Variants in C19orf18 observed in about 807,000 individuals in gnomAD.
C19orf18 encodes chromosome 19 open reading frame 18.
Under a neutral mutation model 23.3 loss-of-function variants are expected in C19orf18, and 21 were observed. That is an observed-to-expected ratio of 0.90 (90% CI 0.64 to 1.30). The LOEUF (loss-of-function observed/expected upper bound fraction) is 1.30. Among genes scored for constraint, C19orf18 ranks in the 50% most tolerant of loss-of-function variants. The probability of loss-of-function intolerance (pLI) is 0.00; values close to 1 mark genes in which losing one functional copy is unlikely to be tolerated. For missense variants in C19orf18, 249 were observed against 259.6 expected, an observed-to-expected ratio of 0.96 and a Z score of 0.28; for synonymous variants, 96 against 95.2, an observed-to-expected ratio of 1.01 and a Z score of -0.05.
Position 57,974,203 on chromosome 19 carries a change from C to A in C19orf18, c.122G>T (p.Gly41Val). Residue 41 changes from glycine to valine, a missense_variant and splice_region_variant, in exon 2 of 6, where the codon GGC (glycine) becomes GTC (valine). Transcript: ENST00000314391. ...TCTGGGTGGTTGTGACCGTTTACTG[C>A]CTTGAAAAGAAAACTTTTTGCGGTG... ...HPTGNITGLP[G>V]SKRSQPPRNI... 6.2e-7 allele frequency: 1 copy of A among 1,613,840 alleles called. No individual in the cohort carries two copies. Among genetic ancestry groups the A allele is most frequent in the Non-Finnish European group, 8.5e-7 (1 of 1,179,942 alleles).
At chr19:57,961,652 G>C in intron 4 of C19orf18, 101 bp from the exon 5 acceptor site, 1 of 1,323,234 alleles carries the variant, frequency 7.6e-7, no homozygotes, top group Non-Finnish European at 1.1e-6. Context: ...CGCTTGTGGA[G>C]TGGGTGCAGA....
chr19:57,970,707 C>CAGGCATG (rs2072938853), intron 3 of C19orf18, among the ~76,000 whole-genome samples: 2 of 82,350 alleles, frequency 2.4e-5, no homozygotes, highest in African/African-American at 1.3e-4. Flanking sequence ...GAGTAGCTGG[C>CAGGCATG]CTCCACCATG....
At chr19:57,962,730 G>A (rs1030357510) in intron 4 of C19orf18, among the ~76,000 whole-genome samples, 2 of 151,964 alleles carry the variant, frequency 1.3e-5, no homozygotes, top group African/African-American at 4.8e-5. Flanking sequence ...GGTGGCACAT[G>A]CTTGTAATCC....
At chr19:57,969,576 A>AAAAAAAAAAAAAAAAAAAAC (rs2072930939) in intron 3 of C19orf18, among the ~76,000 whole-genome samples, 2 of 124,976 alleles carry the variant, frequency 1.6e-5, no homozygotes, top group Admixed American at 8.2e-5. Context: ...GAAAAAAAAA[A>AAAAAAAAAAAAAAAAAAAAC]AAAAAAAAAA....
At chr19:57,972,915 C>A (rs554528913) in intron 2 of C19orf18, among the ~76,000 whole-genome samples, 1 of 151,982 alleles carries the variant, frequency 6.6e-6, no homozygotes, top group South Asian at 2.1e-4. Context: ...GTAATCCCAG[C>A]GAGGAAGGCA....
intron 4 of C19orf18, among the ~76,000 whole-genome samples, chr19:57,961,809 T>A (rs1175091534): frequency 6.6e-6 from 1 of 152,208 alleles, no homozygotes; most frequent in African/African-American, 2.4e-5. Flanking sequence ...CACATTGGGT[T>A]CCAAACTTAA....
At chr19:57,963,309 G>T (rs555744367) in intron 4 of C19orf18, among the ~76,000 whole-genome samples, 2 of 151,962 alleles carry the variant, frequency 1.3e-5, no homozygotes, top group East Asian at 3.9e-4. Flanking sequence ...GATTACAGGC[G>T]TGAGCCACCG....
At chr19:57,973,071 C>T (rs2072956482) in intron 2 of C19orf18, among the ~76,000 whole-genome samples, 1 of 140,016 alleles carries the variant, frequency 7.1e-6, no homozygotes, top group Non-Finnish European at 1.5e-5. Flanking sequence ...TTGCTTGAAC[C>T]CGGCGGTGGA....
intron 3 of C19orf18, 102 bp downstream of exon 3, chr19:57,972,361 T>C (rs1568569007): frequency 2.9e-6 from 4 of 1,384,634 alleles, no homozygotes; most frequent in Admixed American, 2.0e-5. Flanking sequence ...GCACCACGTG[T>C]GCAGGCTCCT....
chr19:57,970,391 A>G lies in C19orf18; in HGVS notation c.268+2072T>C, dbSNP rs115931467. Reference sequence around the variant, plus strand: ...TACAATGTCAGTCTCTGCACATATAAGTGAAACCATAACTTCTCCTCTTTG... The same window carrying G: ...TACAATGTCAGTCTCTGCACATATAGGTGAAACCATAACTTCTCCTCTTTG... On this transcript the variant is annotated intron_variant, in intron 3 of 5. Coordinates refer to ENST00000314391, the MANE Select transcript of C19orf18 (RefSeq NM_152474.5). Among the ~76,000 whole-genome samples the G allele has an allele frequency of 3.8e-3, 584 of 152,288 alleles. 5 individuals are homozygous for G. The highest frequency in any genetic ancestry group is 0.013 in the African/African-American group (554 of 41,562).
chr19:57,958,447 A>G lies in C19orf18; in HGVS notation c.*155T>C, dbSNP rs1048732889. On this transcript the variant is annotated 3_prime_UTR_variant, in exon 6 of 6. Coordinates refer to ENST00000314391, the MANE Select transcript of C19orf18 (RefSeq NM_152474.5). ...GCCAATAAGCAAGAGTTGCTATATC[A>G]TGTGGCTTTATTTTCTGGGATACAG... is the stretch of plus-strand genomic sequence containing the variant. 2.0e-5 allele frequency: 11 copies of G among 559,840 alleles called. No homozygotes were observed. In the South Asian group the frequency reaches 2.7e-4, roughly 14 times the overall value. 34.7% of individuals were successfully genotyped at this position (559,840 alleles called of 1,614,324 possible). A position where few individuals can be genotyped will look rare whatever the true frequency, so the allele number is the denominator to read the frequency against.
intron 3 of C19orf18, among the ~76,000 whole-genome samples, chr19:57,967,364 T>C (rs1454312611): frequency 6.6e-6 from 1 of 152,316 alleles, no homozygotes; most frequent in African/African-American, 2.4e-5. Flanking sequence ...ACTGGCAGCA[T>C]GTTCGTGAAT....
At chr19:57,962,128 T>C (rs941658542) in intron 4 of C19orf18, among the ~76,000 whole-genome samples, 15 of 138,116 alleles carry the variant, frequency 1.1e-4, no homozygotes, top group African/African-American at 4.4e-4. Context: ...ACTCCTGGGT[T>C]CAAACAGTCT....
intron 5 of C19orf18, among the ~76,000 whole-genome samples, chr19:57,960,219 G>A (rs2072857479): frequency 6.6e-6 from 1 of 152,028 alleles, no homozygotes; most frequent in East Asian, 1.9e-4. Context: ...AAGGTCAGGA[G>A]ATCGAGACCA....
chr19:57,969,850 C>G (rs560887445), intron 3 of C19orf18, among the ~76,000 whole-genome samples: 3 of 135,752 alleles, frequency 2.2e-5, no homozygotes, highest in Admixed American at 1.6e-4. Context: ...CCAGGCTGGG[C>G]GACAAGATAC....
intron 5 of C19orf18, among the ~76,000 whole-genome samples, chr19:57,959,983 C>T (rs1235830052): frequency 6.7e-6 from 1 of 150,098 alleles, no homozygotes; most frequent in Non-Finnish European, 1.5e-5. Flanking sequence ...ATGGTGCACG[C>T]CTGTAATCCC....
At chr19:57,960,381 A>C (rs1408086366) in intron 5 of C19orf18, among the ~76,000 whole-genome samples, 3 of 147,752 alleles carry the variant, frequency 2.0e-5, no homozygotes, top group African/African-American at 5.0e-5. Flanking sequence ...AGCTGAGATC[A>C]TGCCACTGCA....
At chr19:57,969,575 A>AAAAAAAAAAAAAAAAAAAAC (rs2072930836) in intron 3 of C19orf18, among the ~76,000 whole-genome samples, 1 of 123,878 alleles carries the variant, frequency 8.1e-6, no homozygotes, top group Non-Finnish European at 1.9e-5. Flanking sequence ...AGAAAAAAAA[A>AAAAAAAAAAAAAAAAAAAAC]AAAAAAAAAA....
chr19:57,967,614 C>CGGTG (rs2072917546), intron 3 of C19orf18, among the ~76,000 whole-genome samples: 1 of 151,698 alleles, frequency 6.6e-6, no homozygotes, highest in Non-Finnish European at 1.5e-5. Context: ...TCATCGGGTG[C>CGGTG]GGTGGCAGGT....
Sources: gnomAD v4.1 joint callset for allele counts (sites outside exome capture counted in the v4.1 genomes callset) on GRCh38, gnomAD v4.1.1 for gene constraint, MANE v1.5 for transcripts, NCBI Gene and HGNC (gene_info 2026-07-23, HGNC 2026-07-21) for gene names.